The following ROBO2 variants were observed in gnomAD, a reference collection of about 807,000 sequenced individuals.
ROBO2 encodes roundabout homolog 2.
In ROBO2, 53 loss-of-function variants were observed where a neutral mutation model predicts 160.8. The observed-to-expected ratio is 0.33, with a 90% CI of 0.26 to 0.41. The LOEUF (loss-of-function observed/expected upper bound fraction) is 0.41, where lower values mean the gene tolerates loss of function less well. Ranked by LOEUF, ROBO2 falls within the 10% of genes least tolerant of loss-of-function variation. The probability of loss-of-function intolerance (pLI) is 1.00; values close to 1 mark genes in which losing one functional copy is unlikely to be tolerated. For missense variants in ROBO2, 1,577 were observed against 1,722.4 expected (o/e 0.92, Z 1.49); for synonymous variants, 664 against 611.7 (o/e 1.09, Z -1.26).
At chr3:77,055,479 A>G (rs143118353) in intron 1 of ROBO2, among the ~76,000 whole-genome samples, 1,676 of 152,288 alleles carry the variant, frequency 0.011, 35 homozygotes, top group African/African-American at 0.036. Flanking sequence ...AGGTGCTGGA[A>G]AAGAAAATAT....
chr3:76,662,581 T>C (rs578079792), intron 2 of ROBO2, among the ~76,000 whole-genome samples: 1 of 152,242 alleles, frequency 6.6e-6, no homozygotes, highest in African/African-American at 2.4e-5. Context: ...AAGGTAGTAC[T>C]AATGCGAGTT....
At chr3:77,102,107 A>G (rs1458514163) in intron 2 of ROBO2, among the ~76,000 whole-genome samples, 1 of 152,158 alleles carries the variant, frequency 6.6e-6, no homozygotes, top group Admixed American at 6.6e-5. Context: ...TGATCAAATA[A>G]ACAGTACCTG....
At chr3:76,877,339 G>T (rs986034944) in intron 2 of ROBO2, among the ~76,000 whole-genome samples, 1 of 152,090 alleles carries the variant, frequency 6.6e-6, no homozygotes, top group African/African-American at 2.4e-5. Context: ...AGAATACGAC[G>T]CTGTTAGGCC....
At chr3:76,231,106 CTGT>C (rs1704596785) in intron 2 of ROBO2, among the ~76,000 whole-genome samples, 1 of 152,196 alleles carries the variant, frequency 6.6e-6, no homozygotes, top group Non-Finnish European at 1.5e-5. Context: ...TGATGCATTT[CTGT>C]TGTTTGAGGC....
chr3:77,575,168 A>G (rs1445792829), intron 14 of ROBO2, among the ~76,000 whole-genome samples: 1 of 152,052 alleles, frequency 6.6e-6, no homozygotes, highest in African/African-American at 2.4e-5. Flanking sequence ...ATGATTTCTA[A>G]TCAGGAAGGG....
At chr3:76,596,173 A>T (rs770013488) in intron 2 of ROBO2, among the ~76,000 whole-genome samples, 63 of 152,158 alleles carry the variant, frequency 4.1e-4, no homozygotes, top group Non-Finnish European at 1.2e-4. Flanking sequence ...TAAGTACCAA[A>T]AAACTTCTTG....
At chr3:77,632,605 G>A in intron 23 of ROBO2, 1 of 1,535,704 alleles carries the variant, frequency 6.5e-7, no homozygotes, top group Non-Finnish European at 8.7e-7. Flanking sequence ...ACTGGTGGCA[G>A]CAGCAGATAA....
At chr3:76,361,747 A>T (rs1014685065) in intron 2 of ROBO2, among the ~76,000 whole-genome samples, 1 of 152,118 alleles carries the variant, frequency 6.6e-6, no homozygotes, top group Non-Finnish European at 1.5e-5. Flanking sequence ...TCACCATTAT[A>T]TCCTGAAATT....
chr3:77,000,892 A>G (rs1208783951), intron 2 of ROBO2, among the ~76,000 whole-genome samples: 1 of 152,170 alleles, frequency 6.6e-6, no homozygotes, highest in East Asian at 1.9e-4. Flanking sequence ...CATTTATAAA[A>G]TCTGAATAAT....
At chr3:77,498,688 G>A (rs2087129913) in intron 5 of ROBO2, among the ~76,000 whole-genome samples, 1 of 150,694 alleles carries the variant, frequency 6.6e-6, no homozygotes, top group Admixed American at 6.6e-5. Context: ...TAGATTAATT[G>A]TTTGGAAGCT....
intron 2 of ROBO2, among the ~76,000 whole-genome samples, chr3:76,194,877 C>T (rs1702189274): frequency 6.6e-6 from 1 of 152,158 alleles, no homozygotes; most frequent in Non-Finnish European, 1.5e-5. Context: ...GTTGGTCTCT[C>T]AAAGTTCTGG....
At chr3:77,358,872 T>C (rs2069512895) in intron 2 of ROBO2, among the ~76,000 whole-genome samples, 1 of 152,190 alleles carries the variant, frequency 6.6e-6, no homozygotes, top group African/African-American at 2.4e-5. Flanking sequence ...ATAAATGACC[T>C]TTTGGTAAGG....
chr3:75,926,431 T>G (rs1947295580), intron 1 of ROBO2, among the ~76,000 whole-genome samples: 1 of 152,204 alleles, frequency 6.6e-6, no homozygotes, highest in Admixed American at 6.5e-5. Flanking sequence ...GCTTTTTTCT[T>G]ATCTTCTGAT....
At chr3:76,568,231 T>C (rs1181346976) in intron 2 of ROBO2, among the ~76,000 whole-genome samples, 2 of 152,144 alleles carry the variant, frequency 1.3e-5, no homozygotes. Flanking sequence ...TTTTATTTTC[T>C]CTGGTATTCT....
chr3:76,149,902 A>G lies in ROBO2; in HGVS notation c.109+212300A>G, dbSNP rs372089630. On this transcript the variant is annotated intron_variant, in intron 2 of 26. Coordinates refer to the ROBO2 transcript ENST00000487694. ...TGTCTAAAGCACACATCATCTGTCT[A>G]AAACACACATCTGTCTAAAGCACAC... Among the ~76,000 whole-genome samples, 427 of 151,402 alleles carry G rather than the reference A, an allele frequency of 2.8e-3. 4 individuals are homozygous for G. The highest frequency in any genetic ancestry group is 0.021 in the East Asian group (105 of 5,002).
chr3:77,479,567 T>C (rs1425067946), intron 3 of ROBO2, among the ~76,000 whole-genome samples: 1 of 152,128 alleles, frequency 6.6e-6, no homozygotes, highest in Non-Finnish European at 1.5e-5. Flanking sequence ...GATATCGTTT[T>C]CTGAGCCCCA....
intron 2 of ROBO2, among the ~76,000 whole-genome samples, chr3:76,220,503 C>A (rs181893650): frequency 6.6e-6 from 1 of 152,006 alleles, no homozygotes; most frequent in Non-Finnish European, 1.5e-5. Flanking sequence ...TCTGCCCTTC[C>A]GCCTTGTGAC....
rs1433234929 is a variant in ROBO2 at position 76,775,834 on chromosome 3, T to A, written c.110-322180T>A. On this transcript the variant is annotated intron_variant, in intron 2 of 26. Transcript: ENST00000487694. ...ATATCTAAAATTGGAATAAAATTTT[T>A]AATTATCACTATAGCATATTAAGTG... Among the ~76,000 whole-genome samples, 3 of 150,848 alleles carry A rather than the reference T, an allele frequency of 2.0e-5. No homozygotes were observed. The East Asian group carries it at 5.9e-4, about 30-fold the overall frequency.
chr3:76,895,574 T>C (rs960145714), intron 2 of ROBO2, among the ~76,000 whole-genome samples: 9 of 152,130 alleles, frequency 5.9e-5, no homozygotes, highest in Admixed American at 5.9e-4. Context: ...AATAGTGTTT[T>C]AAAAATAGCT....
Sources: gnomAD v4.1 joint callset for allele counts (sites outside exome capture counted in the v4.1 genomes callset) on GRCh38, gnomAD v4.1.1 for gene constraint, MANE v1.5 for transcripts, NCBI Gene and HGNC (gene_info 2026-07-23, HGNC 2026-07-21) for gene names.